VPS41: variants seen among roughly 807,000 people sequenced by gnomAD.
VPS41 encodes the protein VPS41 subunit of HOPS complex, also known as vacuolar protein sorting-associated protein 41 homolog.
A neutral mutation model predicts 130.9 loss-of-function variants in VPS41; 85 were observed. That is an observed-to-expected ratio of 0.65 (90% CI 0.55 to 0.78). VPS41 has a LOEUF of 0.78. Among genes scored for constraint, VPS41 ranks in the 30% least tolerant of loss-of-function variants. The pLI is 0.00. For synonymous variants in VPS41, 335 were observed against 332.9 expected, an observed-to-expected ratio of 1.01 and a Z score of -0.07; for missense variants, 874 against 1,018.7, an observed-to-expected ratio of 0.86 and a Z score of 1.93.
chr7:38,738,802 C>T (rs1207677379), intron 25 of VPS41, among the ~76,000 whole-genome samples: 1 of 152,174 alleles, frequency 6.6e-6, no homozygotes, highest in Non-Finnish European at 1.5e-5. Context: ...AGTGATTACA[C>T]TAACAAGGTA....
chr7:38,756,859 TAAAAC>T lies in VPS41; in HGVS notation c.1669_1673del (p.Val557IlefsTer5). The T allele has an allele frequency of 6.3e-7, 1 of 1,580,134 alleles. No individual in the cohort carries two copies. Among genetic ancestry groups the T allele is most frequent in the South Asian group, 1.1e-5 (1 of 88,366 alleles). Reference sequence around the variant, plus strand: ...TTACCTCTGAATCAAAATCCATTAATAAAACAATTTTATCCTTGATAGAACTGAAA... The same window carrying T: ...TTACCTCTGAATCAAAATCCATTAATAATTTTATCCTTGATAGAACTGAAA... On this transcript the variant is annotated frameshift_variant, in exon 19 of 29. Transcript: ENST00000310301. LOFTEE classifies it high-confidence loss of function.
At position 38,844,975 on chromosome 7, in the gene VPS41, C is replaced by T. The variant is rs146333182; in HGVS notation, c.247-14647G>A. Among the ~76,000 whole-genome samples, 935 of 152,290 alleles carry T rather than the reference C, an allele frequency of 6.1e-3. 7 individuals are homozygous for T. Among genetic ancestry groups the T allele is most frequent in the South Asian group, 0.011 (55 of 4,830 alleles). Reference sequence around the variant, plus strand: ...CCTCAACAGAGGCAGGGGCACGGAACGGCCTTTCCACCTACAGAAGACTTA... The same window carrying T: ...CCTCAACAGAGGCAGGGGCACGGAATGGCCTTTCCACCTACAGAAGACTTA... On this transcript the variant is annotated intron_variant, in intron 4 of 28. Transcript: ENST00000310301.
At chr7:38,893,203 TA>T (rs1786904442) in intron 2 of VPS41, among the ~76,000 whole-genome samples, 1 of 152,182 alleles carries the variant, frequency 6.6e-6, no homozygotes, top group Non-Finnish European at 1.5e-5. Context: ...CCCACCCTTC[TA>T]CACTACAGCC....
chr7:38,842,307 A>C (rs1785624558), intron 4 of VPS41, among the ~76,000 whole-genome samples: 1 of 152,178 alleles, frequency 6.6e-6, no homozygotes, highest in Admixed American at 6.5e-5. Flanking sequence ...CCCCACAAGC[A>C]CATCCCCCGA....
Position 38,796,831 on chromosome 7 carries a change from A to G in VPS41, c.484T>C (p.Trp162Arg), listed in dbSNP as rs1333370354. 3 of 1,613,874 alleles carry G rather than the reference A, an allele frequency of 1.9e-6. No homozygotes were observed. The highest frequency in any genetic ancestry group is 2.5e-6 in the Non-Finnish European group (3 of 1,179,874). ...CCTTCATGCAGAACAGCAGACTTCCATCTGTTCATCCAAGACCGTTCAAAC... is the reference window on the plus strand; with the variant it reads ...CCTTCATGCAGAACAGCAGACTTCCGTCTGTTCATCCAAGACCGTTCAAAC... ...LLFERSWMNR[W>R]KSAVLHEGEG... Residue 162 changes from tryptophan (W) to arginine (R), a missense_variant, in exon 8 of 29, where the codon TGG (tryptophan) becomes CGG (arginine). Coordinates refer to ENST00000310301, the MANE Select transcript of VPS41 (RefSeq NM_014396.4).
intron 5 of VPS41, among the ~76,000 whole-genome samples, chr7:38,825,367 A>C (rs1183282020): frequency 6.6e-6 from 1 of 152,194 alleles, no homozygotes; most frequent in Non-Finnish European, 1.5e-5. Context: ...GGTTCATTTC[A>C]CTACTATGAC....
intron 8 of VPS41, 126 bp from the exon 9 acceptor site, chr7:38,795,737 T>C (rs1784606491): frequency 3.6e-6 from 3 of 838,524 alleles, no homozygotes; most frequent in Non-Finnish European, 5.2e-6. Flanking sequence ...TTACTGAGCA[T>C]GCAAGGAAAA....
intron 4 of VPS41, among the ~76,000 whole-genome samples, chr7:38,850,914 T>C (rs1031194896): frequency 3.3e-5 from 5 of 152,196 alleles, no homozygotes; most frequent in African/African-American, 1.2e-4. Flanking sequence ...GATATAATGA[T>C]AAACTCTCAG....
intron 2 of VPS41, 51 bp downstream of exon 2, chr7:38,898,040 A>G (rs1167963641): frequency 1.3e-6 from 2 of 1,567,226 alleles, no homozygotes; most frequent in Admixed American, 1.7e-5. Flanking sequence ...GCAACTCAAG[A>G]GAACAACGTG....
intron 25 of VPS41, among the ~76,000 whole-genome samples, chr7:38,740,966 T>C (rs1002252410): frequency 2.0e-5 from 3 of 152,194 alleles, no homozygotes; most frequent in Non-Finnish European, 4.4e-5. Context: ...CATCACACTC[T>C]CTGGCACAAC....
At chr7:38,857,656 G>C (rs1049268448) in intron 4 of VPS41, among the ~76,000 whole-genome samples, 1 of 152,242 alleles carries the variant, frequency 6.6e-6, no homozygotes, top group Non-Finnish European at 1.5e-5. Flanking sequence ...TGGTCAACAA[G>C]AGACCACATA....
In VPS41 at chr7:38,728,604, T is replaced by C; in HGVS notation, c.2360-18A>G. On this transcript the variant is annotated intron_variant, in intron 26 of 28. Transcript: ENST00000310301. ...GTTCTCCTCTGTAAGAAAACACACA[T>C]ACTTTGGATTATGCCCTGTTTATAC... The C allele has an allele frequency of 1.2e-6, 2 of 1,614,114 alleles. No homozygotes were observed. The highest frequency in any genetic ancestry group is 1.7e-6 in the Non-Finnish European group (2 of 1,180,004).
At chr7:38,851,718 T>C (rs762525380) in intron 4 of VPS41, among the ~76,000 whole-genome samples, 8 of 152,214 alleles carry the variant, frequency 5.3e-5, no homozygotes, top group Non-Finnish European at 1.2e-4. Context: ...TTTCATGTTT[T>C]AAAATTTTGC....
intron 6 of VPS41, 98 bp downstream of exon 6, chr7:38,821,105 C>A (rs1233986087): frequency 3.4e-6 from 3 of 894,148 alleles, no homozygotes; most frequent in Non-Finnish European, 5.4e-6. Context: ...CACTTACTGA[C>A]AAAATTAATA....
At chr7:38,786,705 A>G (rs573269269) in intron 10 of VPS41, among the ~76,000 whole-genome samples, 3 of 152,224 alleles carry the variant, frequency 2.0e-5, no homozygotes, top group Non-Finnish European at 2.9e-5. Flanking sequence ...TGAACTATCT[A>G]TAACAGAACA....
At chr7:38,846,288 C>A (rs1382048216) in intron 4 of VPS41, among the ~76,000 whole-genome samples, 1 of 152,184 alleles carries the variant, frequency 6.6e-6, no homozygotes, top group Non-Finnish European at 1.5e-5. Flanking sequence ...GACTTAAGAG[C>A]AGGGTCTGTG....
intron 2 of VPS41, among the ~76,000 whole-genome samples, chr7:38,889,120 A>G (rs917649116): frequency 6.9e-6 from 1 of 144,284 alleles, no homozygotes; most frequent in Non-Finnish European, 1.5e-5. Flanking sequence ...AAAAAAAAAA[A>G]TGAAGAGTCT....
rs1356245106 is a variant in VPS41 at position 38,723,908 on chromosome 7, T to C, written c.*2338A>G. 6.6e-6 allele frequency: 1 copy of C among 152,008 alleles called. No individual in the cohort carries two copies. 9.4% of individuals were successfully genotyped at this position (152,008 alleles called of 1,614,324 possible). On this transcript the variant is annotated 3_prime_UTR_variant, in exon 29 of 29. Transcript: ENST00000310301. ...TTTGCCATATTTAAGCCCTTATAGG[T>C]TGATGAAAAGTAAAAAGGATTGAAT...
intron 25 of VPS41, among the ~76,000 whole-genome samples, chr7:38,739,139 G>A (rs1049690882): frequency 5.9e-5 from 9 of 152,302 alleles, no homozygotes; most frequent in Admixed American, 3.3e-4. Context: ...ATACCAGCAA[G>A]AAAAGGTGCT....
Sources: gnomAD v4.1 joint callset for allele counts (sites outside exome capture counted in the v4.1 genomes callset) on GRCh38, gnomAD v4.1.1 for gene constraint, MANE v1.5 for transcripts, NCBI Gene and HGNC (gene_info 2026-07-23, HGNC 2026-07-21) for gene names.